Variants in CACNA1E observed in about 807,000 individuals in gnomAD.
CACNA1E encodes the protein calcium voltage-gated channel subunit alpha1 E.
In CACNA1E, 40 loss-of-function variants were observed where a neutral mutation model predicts 259.2. The ratio of observed to expected loss-of-function variants is 0.15; its 90% CI spans 0.12 to 0.20. The LOEUF is 0.20. Among genes scored for constraint, CACNA1E ranks in the 10% least tolerant of loss-of-function variants. CACNA1E has a pLI of 1.00. For missense variants in CACNA1E, 1,874 were observed against 3,040.1 expected, an observed-to-expected ratio of 0.62 and a Z score of 9.02; for synonymous variants, 1,104 against 1,138.5, an observed-to-expected ratio of 0.97 and a Z score of 0.61.
At chr1:181,323,760 A>G (rs931057493) in intron 1 of CACNA1E, among the ~76,000 whole-genome samples, 8 of 152,252 alleles carry the variant, frequency 5.3e-5, no homozygotes, top group African/African-American at 1.7e-4. Context: ...TAAATACAAA[A>G]AAGTTCCACC....
intron 2 of CACNA1E, among the ~76,000 whole-genome samples, chr1:181,462,477 C>T (rs963940439): frequency 1.1e-4 from 16 of 152,106 alleles, no homozygotes; most frequent in African/African-American, 3.1e-4. Context: ...TGATATATTT[C>T]GAACATTTGT....
In CACNA1E at chr1:181,373,142, C is replaced by A. The variant is rs114650055; in HGVS notation, c.-14-39991C>A. ...GACAGATTTTGGTATCAGAATGATG[C>A]TGGCCTCATAGAATCAGTTAGGGAG... On this transcript the variant is annotated intron_variant, in intron 1 of 11. Coordinates refer to the CACNA1E transcript ENST00000524607. Among the ~76,000 whole-genome samples, 1,463 of 152,218 alleles carry A rather than the reference C, an allele frequency of 9.6e-3. 19 individuals are homozygous for A. The highest frequency in any genetic ancestry group is 0.033 in the African/African-American group (1,366 of 41,524).
intron 7 of CACNA1E, among the ~76,000 whole-genome samples, chr1:181,661,662 T>C (rs919570248): frequency 6.6e-6 from 1 of 152,188 alleles, no homozygotes; most frequent in African/African-American, 2.4e-5. Context: ...AAGTTGTTTT[T>C]CTTGTAAGCT....
chr1:181,750,351 A>G (rs1055485760), intron 25 of CACNA1E, 125 bp from the exon 26 acceptor site: 4 of 773,280 alleles, frequency 5.2e-6, no homozygotes, highest in Non-Finnish European at 8.6e-6. Context: ...CTGATTCCCT[A>G]TCATTGTAGG....
chr1:181,521,021 C>G (rs1157562760), intron 3 of CACNA1E, among the ~76,000 whole-genome samples: 2 of 152,202 alleles, frequency 1.3e-5, no homozygotes, highest in Admixed American at 6.5e-5. Flanking sequence ...GAAAAGAAGC[C>G]TGAGGTCTGA....
At chr1:181,331,213 GAGAT>G (rs57300831) in intron 1 of CACNA1E, among the ~76,000 whole-genome samples, 189 of 151,784 alleles carry the variant, frequency 1.2e-3, no homozygotes, top group African/African-American at 3.7e-3. Context: ...GAATCAATAG[GAGAT>G]AGATAGATAG....
At chr1:181,332,764 G>C (rs78597699) in intron 1 of CACNA1E, among the ~76,000 whole-genome samples, 1 of 152,248 alleles carries the variant, frequency 6.6e-6, no homozygotes, top group African/African-American at 2.4e-5. Flanking sequence ...AACCTTTGTA[G>C]TCATAGAACC....
chr1:181,332,483 A>G (rs6670140), intron 1 of CACNA1E, among the ~76,000 whole-genome samples: 61,595 of 152,102 alleles, frequency 0.4, 12,886 homozygotes, highest in African/African-American at 0.49. Flanking sequence ...TGTGTATAAT[A>G]TCAACTATTA....
intron 1 of CACNA1E, among the ~76,000 whole-genome samples, chr1:181,509,805 G>A (rs568375143): frequency 6.6e-6 from 1 of 152,332 alleles, no homozygotes; most frequent in African/African-American, 2.4e-5. Context: ...CTCGTGATCA[G>A]TCTCTGTTTC....
chr1:181,629,383 A>G (rs1656489332), intron 6 of CACNA1E, among the ~76,000 whole-genome samples: 1 of 152,200 alleles, frequency 6.6e-6, no homozygotes, highest in African/African-American at 2.4e-5. Flanking sequence ...TTTCTATCAA[A>G]TACACTTGTG....
intron 32 of CACNA1E, among the ~76,000 whole-genome samples, chr1:181,760,091 C>T (rs531468827): frequency 5.3e-5 from 8 of 152,188 alleles, no homozygotes; most frequent in South Asian, 4.1e-4. Context: ...GAGAGGGAGA[C>T]GCAAGCACCA....
intron 2 of CACNA1E, among the ~76,000 whole-genome samples, chr1:181,421,188 A>G (rs770063775): frequency 4.6e-5 from 7 of 152,196 alleles, no homozygotes; most frequent in Non-Finnish European, 7.3e-5. Flanking sequence ...CTGGCACAGC[A>G]CTGGGTAAAT....
At position 181,524,252 on chromosome 1, in the gene CACNA1E, A is replaced by T. The variant is rs185181367; in HGVS notation, c.512+12742A>T. ...TTATTTTTTTATATTTTATGTTTGT[A>T]TGGGAAATTGTGGATAAAGTGAAAT... On this transcript the variant is annotated intron_variant, in intron 3 of 47. Transcript: ENST00000367573. 1.7e-3 allele frequency among the ~76,000 whole-genome samples: 256 copies of T among 152,282 alleles called. 1 individual carries two copies. The highest frequency in any genetic ancestry group is 5.4e-3 in the African/African-American group (223 of 41,552).
chr1:181,399,924 T>C (rs1391513943), intron 1 of CACNA1E, among the ~76,000 whole-genome samples: 1 of 152,240 alleles, frequency 6.6e-6, no homozygotes, highest in African/African-American at 2.4e-5. Flanking sequence ...GCCATAGTAA[T>C]GGACATTTAA....
At chr1:181,400,636 G>A (rs1657030449) in intron 1 of CACNA1E, among the ~76,000 whole-genome samples, 1 of 152,090 alleles carries the variant, frequency 6.6e-6, no homozygotes, top group Non-Finnish European at 1.5e-5. Flanking sequence ...TTGGCTCAAG[G>A]TCGTGTGCTG....
At chr1:181,731,299 C>A in intron 19 of CACNA1E, 68 bp downstream of exon 19, 1 of 1,283,126 alleles carries the variant, frequency 7.8e-7, no homozygotes, top group Non-Finnish European at 1.1e-6. Flanking sequence ...TGTCATTGTC[C>A]TTGCCATAGA....
chr1:181,410,525 C>A (rs113582619), intron 1 of CACNA1E, among the ~76,000 whole-genome samples: 1 of 152,142 alleles, frequency 6.6e-6, no homozygotes, highest in Non-Finnish European at 1.5e-5. Context: ...CAGGGGCGTC[C>A]GAGTCTACTG....
intron 3 of CACNA1E, among the ~76,000 whole-genome samples, chr1:181,544,492 A>G (rs554309116): frequency 1.3e-5 from 2 of 152,368 alleles, no homozygotes; most frequent in South Asian, 4.1e-4. Context: ...AAAAATGCAT[A>G]TAGCTTCTAA....
At chr1:181,766,724 G>C in intron 35 of CACNA1E, 113 bp downstream of exon 35, 1 of 790,842 alleles carries the variant, frequency 1.3e-6, no homozygotes, top group Non-Finnish European at 2.2e-6. Flanking sequence ...TCTTGCCTAA[G>C]GGTGCTCCCC....
Sources: allele counts gnomAD v4.1 joint callset (sites outside exome capture counted in the v4.1 genomes callset), GRCh38; gene constraint gnomAD v4.1.1; transcripts MANE v1.5; gene names NCBI Gene and HGNC (gene_info 2026-07-23, HGNC 2026-07-21).